The following DEF8 variants were observed in gnomAD, a reference collection of about 807,000 sequenced individuals.
The protein encoded by DEF8 is differentially expressed in FDCP 8 homolog.
DEF8 carries 38 observed loss-of-function variants against 59.1 expected under a neutral mutation model. The ratio of observed to expected loss-of-function variants is 0.64; its 90% CI spans 0.50 to 0.84. DEF8 has a LOEUF of 0.84. Ranked by LOEUF, DEF8 falls within the 40% of genes least tolerant of loss-of-function variation. The pLI is 0.00. For missense variants in DEF8, 557 were observed against 615.2 expected (o/e 0.91, Z 1.00); for synonymous variants, 265 against 250.1 (o/e 1.06, Z -0.56).
At chr16:89,964,076 G>A (rs1017855086) in intron 10 of DEF8, 94 bp from the exon 11 acceptor site, 2 of 1,530,286 alleles carry the variant, frequency 1.3e-6, no homozygotes, top group Admixed American at 1.7e-5. Flanking sequence ...GTTTCTCTGT[G>A]AGCACCTGGG....
Position 89,967,631 on chromosome 16 carries a change from G to A in DEF8, c.*1668G>A. On this transcript the variant is annotated 3_prime_UTR_variant, in exon 13 of 13. Transcript: ENST00000563594. ...CTTCCTCTTTGGGGCTGAGGAGGAGGTTAAAGGCCAAATGCTGTTTCCCAA... is the reference window on the plus strand; with the variant it reads ...CTTCCTCTTTGGGGCTGAGGAGGAGATTAAAGGCCAAATGCTGTTTCCCAA... 2.5e-6 allele frequency: 1 copy of A among 397,124 alleles called. No individual in the cohort carries two copies. Among genetic ancestry groups the A allele is most frequent in the Non-Finnish European group, 4.4e-6 (1 of 225,690 alleles). The allele number at this position is 397,124 out of a possible 1,614,324, so 24.6% of individuals were successfully genotyped here. A position where few individuals can be genotyped will look rare whatever the true frequency, so the allele number is the denominator to read the frequency against.
At position 89,951,503 on chromosome 16, in the gene DEF8, C is replaced by A. The variant is rs11862165; in HGVS notation, c.-11+1990C>A. Among the ~76,000 whole-genome samples the A allele has an allele frequency of 6.2e-3, 944 of 152,262 alleles. 13 individuals are homozygous for A. Among genetic ancestry groups the A allele is most frequent in the African/African-American group, 0.022 (916 of 41,536 alleles). ...CAGGTGATCAGCCCACTTCTGCTTCCCAAAGTGCTGGGATTACAGGCGTGA... is the reference window on the plus strand; with the variant it reads ...CAGGTGATCAGCCCACTTCTGCTTCACAAAGTGCTGGGATTACAGGCGTGA... On this transcript the variant is annotated intron_variant, in intron 2 of 12. Coordinates refer to ENST00000563594, the MANE Select transcript of DEF8 (RefSeq NM_001242818.2).
Position 89,954,145 on chromosome 16 carries a change from C to T in DEF8, c.-10-98C>T. 1 of 1,407,240 alleles carries T rather than the reference C, an allele frequency of 7.1e-7. No homozygotes were observed. Among genetic ancestry groups the T allele is most frequent in the Non-Finnish European group, 9.7e-7 (1 of 1,027,872 alleles). The allele number at this position is 1,407,240 out of a possible 1,614,324, so 87.2% of individuals were successfully genotyped here. The stretch of plus-strand genomic sequence containing the variant: ...CCCACTTTAGGGAAGTGAAAGAGGC[C>T]AGCCTCACCCCAGACACCCCAGTGT... On this transcript the variant is annotated intron_variant, in intron 2 of 12. Coordinates refer to ENST00000563594, the MANE Select transcript of DEF8 (RefSeq NM_001242818.2). This position sits in a 1 kb window ranked among gnomAD's most constrained non-coding sequence, Gnocchi z 4.3.
chr16:89,964,738 T>C (rs547891667), intron 12 of DEF8, among the ~76,000 whole-genome samples, 163 bp downstream of exon 12: 5 of 152,036 alleles, frequency 3.3e-5, no homozygotes, highest in African/African-American at 1.2e-4. Flanking sequence ...CCCTGAGATA[T>C]GAAGTCAGAC....
intron 10 of DEF8, 131 bp from the exon 11 acceptor site, chr16:89,964,036 ACTC>A: frequency 8.2e-7 from 1 of 1,224,328 alleles, no homozygotes; most frequent in Non-Finnish European, 1.2e-6. Context: ...CCTGGATTCT[ACTC>A]CTGGGGCCCA....
intron 2 of DEF8, 116 bp downstream of exon 2, chr16:89,949,629 G>A (rs368278190): frequency 1.4e-5 from 22 of 1,611,808 alleles, no homozygotes; most frequent in Admixed American, 1.7e-5. Flanking sequence ...GGCAGGACGC[G>A]GGAGGCCAGG....
chr16:89,963,501 C>A, intron 10 of DEF8, 58 bp downstream of exon 10: 1 of 1,501,296 alleles, frequency 6.7e-7, no homozygotes, highest in Non-Finnish European at 9.2e-7. Flanking sequence ...TGGTGAGGCA[C>A]CTCAGGCTCA....
intron 9 of DEF8, among the ~76,000 whole-genome samples, chr16:89,962,387 C>T (rs116106684): frequency 0.016 from 2,406 of 152,282 alleles, 43 homozygotes; most frequent in South Asian, 0.081. Context: ...GAGCTGGGCA[C>T]GGTGCTCACA....
chr16:89,954,344 C>T lies in DEF8; in HGVS notation c.92C>T (p.Pro31Leu), dbSNP rs991740446. The change falls in exon 3 of 13, where the codon CCT (proline) becomes CTT (leucine). Residue 31 changes from proline to leucine, a missense_variant. Physicochemically the swap from Pro to Leu is moderately conservative, Grantham distance 98. Transcript: ENST00000563594. This position sits in a 1 kb window ranked among gnomAD's most constrained non-coding sequence, Gnocchi z 4.3. ...GGGCCGAGACAGCATGAGCAGGGCC[C>T]TGGGGAGGAGGTCCCGGACGTCACT... ...QSGPRQHEQGPGEEVPDVTPE... is the reference protein window; with the variant it reads ...QSGPRQHEQGLGEEVPDVTPE... 7.4e-6 allele frequency: 12 copies of T among 1,613,874 alleles called. No homozygotes were observed. Among genetic ancestry groups the T allele is most frequent in the Non-Finnish European group, 9.3e-6 (11 of 1,179,952 alleles).
Position 89,967,342 on chromosome 16 carries a change from C to T in DEF8, c.*1379C>T, listed in dbSNP as rs1326930482. 5 of 398,556 alleles carry T rather than the reference C, an allele frequency of 1.3e-5. No homozygotes were observed. Among genetic ancestry groups the T allele is most frequent in the Non-Finnish European group, 8.8e-6 (2 of 226,114 alleles). The allele number at this position is 398,556 out of a possible 1,614,324, so 24.7% of individuals were successfully genotyped here. A position where few individuals can be genotyped will look rare whatever the true frequency, so the allele number is the denominator to read the frequency against. On this transcript the variant is annotated 3_prime_UTR_variant, in exon 13 of 13. Transcript: ENST00000563594. ...CAGTCAGCAGAAAGGCCACCTGGCT[C>T]ACTGGCTCATTCCAGGAGTGGGAGA...
intron 12 of DEF8, among the ~76,000 whole-genome samples, chr16:89,965,298 C>T (rs2034509292): frequency 6.6e-6 from 1 of 152,176 alleles, no homozygotes; most frequent in Admixed American, 6.5e-5. Flanking sequence ...CAGTTTCTGT[C>T]CCCTGATTTT....
At position 89,948,817 on chromosome 16, in the gene DEF8, G is replaced by A. The variant is rs2031146448; in HGVS notation, c.-108+3G>A. The A allele has an allele frequency of 1.0e-6, 1 of 980,674 alleles. No homozygotes were observed. Among genetic ancestry groups the A allele is most frequent in the Non-Finnish European group, 1.2e-6 (1 of 828,672 alleles). The allele number at this position is 980,674 out of a possible 1,614,324, so 60.7% of individuals were successfully genotyped here. ...GACAGATGCGAGGCGGCGGTCAGGT[G>A]AGCGGCGCGGGGCCGGCGGGGTCGG... On this transcript the variant is annotated splice_donor_region_variant and intron_variant, in intron 1 of 12. Coordinates refer to ENST00000563594, the MANE Select transcript of DEF8 (RefSeq NM_001242818.2).
rs1424535255 is a variant in DEF8 at position 89,959,020 on chromosome 16, A to G, written c.379A>G (p.Asn127Asp). 2.5e-6 allele frequency: 4 copies of G among 1,611,732 alleles called. No individual in the cohort carries two copies. The highest frequency in any genetic ancestry group is 3.4e-6 in the Non-Finnish European group (4 of 1,180,004). Residue 127 changes from asparagine to aspartate, a missense_variant, in exon 6 of 13, where the codon AAT becomes GAT. Transcript: ENST00000563594. ...CCTGACTCACCCTCTGCAGGACCCC[A>G]ATGAGGATGAGCCAAACATCCGAGT... ...RLKLQELKDP[N>D]EDEPNIRVLL...
chr16:89,949,898 G>C (rs1433135109), intron 2 of DEF8, among the ~76,000 whole-genome samples: 4 of 152,148 alleles, frequency 2.6e-5, no homozygotes, highest in Non-Finnish European at 4.4e-5. Flanking sequence ...GCAGGCTGGC[G>C]TTCTGCTCAG....
At chr16:89,949,611 AC>A in intron 2 of DEF8, 98 bp downstream of exon 2, 11 of 1,612,730 alleles carry the variant, frequency 6.8e-6, no homozygotes, top group Non-Finnish European at 9.3e-6. Context: ...CCTGGTGGTC[AC>A]GCCGCGGGCA....
Position 89,959,407 on chromosome 16 carries a change from C to A in DEF8, c.514+252C>A, listed in dbSNP as rs1051429329. 6.8e-6 allele frequency: 9 copies of A among 1,318,456 alleles called. No individual in the cohort carries two copies. In the African/African-American group the frequency reaches 1.3e-4, roughly 20 times the overall value. The allele number at this position is 1,318,456 out of a possible 1,614,324, so 81.7% of individuals were successfully genotyped here. ...GTACAATGAAGAAAAAGGGAAAGGA[C>A]CTAGCACGTGTTAGGGTGGAGTGAA... On this transcript the variant is annotated intron_variant, in intron 6 of 12. Coordinates refer to ENST00000563594, the MANE Select transcript of DEF8 (RefSeq NM_001242818.2).
Position 89,954,089 on chromosome 16 carries a change from G to C in DEF8, c.-10-154G>C, listed in dbSNP as rs991399514. On this transcript the variant is annotated intron_variant, in intron 2 of 12. Coordinates refer to ENST00000563594, the MANE Select transcript of DEF8 (RefSeq NM_001242818.2). The surrounding 1 kb of genome is among the most constrained non-coding windows in gnomAD (Gnocchi z 4.3). Reference sequence around the variant, plus strand: ...GGCAGCTGAGGTGTTTCAGGAAAAGGCTGAAGATCAAGGCTGTGGTGTGAG... The same window carrying C: ...GGCAGCTGAGGTGTTTCAGGAAAAGCCTGAAGATCAAGGCTGTGGTGTGAG... 13 of 764,056 alleles carry C rather than the reference G, an allele frequency of 1.7e-5. No homozygotes were observed. The highest frequency in any genetic ancestry group is 6.1e-5 in the Admixed American group (2 of 33,022). 47.3% of individuals were successfully genotyped at this position (764,056 alleles called of 1,614,324 possible). A position where few individuals can be genotyped will look rare whatever the true frequency, so the allele number is the denominator to read the frequency against.
intron 10 of DEF8, among the ~76,000 whole-genome samples, 175 bp downstream of exon 10, chr16:89,963,618 C>A (rs1377148270): frequency 6.6e-6 from 1 of 152,160 alleles, no homozygotes. Flanking sequence ...AAGAGTTCTC[C>A]AGTCAGTTCC....
chr16:89,964,153 C>T lies in DEF8; in HGVS notation c.1003-17C>T, dbSNP rs776381862. On this transcript the variant is annotated splice_polypyrimidine_tract_variant and intron_variant, in intron 10 of 12. Coordinates refer to ENST00000563594, the MANE Select transcript of DEF8 (RefSeq NM_001242818.2). ...CCCTCCCCGGTGCAGGGCGTCACGG[C>T]TGCTGGGACTTGGCAGCTCCAGGAT... 1 of 1,613,960 alleles carries T rather than the reference C, an allele frequency of 6.2e-7. No individual in the cohort carries two copies. Among genetic ancestry groups the T allele is most frequent in the Non-Finnish European group, 8.5e-7 (1 of 1,179,948 alleles).
Sources: gnomAD v4.1 joint callset for allele counts (sites outside exome capture counted in the v4.1 genomes callset) on GRCh38, gnomAD v4.1.1 for gene constraint, Gnocchi (gnomAD v3.1) non-coding constraint, MANE v1.5 for transcripts, NCBI Gene and HGNC (gene_info 2026-07-23, HGNC 2026-07-21) for gene names.